Variants in TRPM7 observed in about 807,000 individuals in gnomAD.
TRPM7 encodes the protein transient receptor potential cation channel subfamily M member 7.
TRPM7 carries 134 observed loss-of-function variants against 229.7 expected under a neutral mutation model. That is an observed-to-expected ratio of 0.58 (90% CI 0.51 to 0.67). The LOEUF is 0.67. Ranked by LOEUF, TRPM7 falls within the 30% of genes least tolerant of loss-of-function variation. TRPM7 has a pLI of 0.00. For synonymous variants in TRPM7, 699 were observed against 715.2 expected (o/e 0.98, Z 0.36); for missense variants, 1,901 against 2,210.0 (o/e 0.86, Z 2.80).
intron 19 of TRPM7, among the ~76,000 whole-genome samples, chr15:50,608,271 A>G (rs909626753): frequency 1.3e-5 from 2 of 149,352 alleles, no homozygotes; most frequent in African/African-American, 4.9e-5. Flanking sequence ...TTATGTATAA[A>G]TACATGTGAG....
intron 36 of TRPM7, among the ~76,000 whole-genome samples, chr15:50,570,788 G>A (rs1054508548): frequency 6.6e-6 from 1 of 151,584 alleles, no homozygotes; most frequent in African/African-American, 2.4e-5. Flanking sequence ...CTGGGAGGCG[G>A]AGGTTGCAGT....
At chr15:50,625,210 G>A (rs888674038) in intron 11 of TRPM7, among the ~76,000 whole-genome samples, 3 of 151,938 alleles carry the variant, frequency 2.0e-5, no homozygotes, top group Admixed American at 6.6e-5. Flanking sequence ...AAGTATTTTA[G>A]TACCACATTA....
intron 38 of TRPM7, among the ~76,000 whole-genome samples, chr15:50,568,772 C>T (rs28478208): frequency 1.3e-5 from 2 of 152,002 alleles, no homozygotes; most frequent in Non-Finnish European, 2.9e-5. Context: ...CCCAGGAATT[C>T]GAGAGCAGCC....
intron 28 of TRPM7, among the ~76,000 whole-genome samples, chr15:50,583,627 A>G (rs181916499): frequency 6.8e-6 from 1 of 146,576 alleles, no homozygotes; most frequent in African/African-American, 2.6e-5. Context: ...CCCAGGCTGG[A>G]GAGCAGTGGC....
intron 38 of TRPM7, among the ~76,000 whole-genome samples, chr15:50,568,176 A>G (rs988074706): frequency 1.3e-5 from 2 of 151,656 alleles, no homozygotes; most frequent in African/African-American, 4.8e-5. Context: ...AAGTGCATCT[A>G]CAAAATCCTT....
Position 50,643,541 on chromosome 15 carries a change from A to C in TRPM7, c.334T>G (p.Ser112Ala), listed in dbSNP as rs370125011. 55 of 1,613,472 alleles carry C rather than the reference A, an allele frequency of 3.4e-5. No homozygotes were observed. In the Middle Eastern group the frequency reaches 6.6e-4, roughly 19 times the overall value. The change falls in exon 5 of 39, where the codon TCA (serine) becomes GCA (alanine). Residue 112 changes from serine to alanine, a missense_variant. Ser to Ala is a moderately conservative substitution (Grantham distance 99). This residue lies in a region of TRPM7 where 794 missense variants were observed against 881.9 expected (regional missense o/e 0.90). Transcript: ENST00000646667. ...ATGACTTCAGGTTTGGTGTCATATG[A>C]TAGCCTCACATACTAGAAAAAGATT... ...HSYRAKYVRLSYDTKPEVILQ... is the reference protein window; with the variant it reads ...HSYRAKYVRLAYDTKPEVILQ...
At chr15:50,571,491 C>T (rs571421736) in intron 36 of TRPM7, among the ~76,000 whole-genome samples, 1 of 151,922 alleles carries the variant, frequency 6.6e-6, no homozygotes, top group South Asian at 2.1e-4. Flanking sequence ...CATGCTATAG[C>T]TGCTACACTA....
intron 13 of TRPM7, among the ~76,000 whole-genome samples, chr15:50,618,638 ATATTTAGGGGG>A (rs1467468505): frequency 6.6e-6 from 1 of 152,120 alleles, no homozygotes; most frequent in Non-Finnish European, 1.5e-5. Context: ...TGATTTATAT[ATATTTAGGGGG>A]TACAAGTATA....
intron 20 of TRPM7, among the ~76,000 whole-genome samples, 167 bp from the exon 21 acceptor site, chr15:50,605,311 C>G (rs2059892497): frequency 6.6e-6 from 1 of 152,120 alleles, no homozygotes. Context: ...AGTGCAGTGG[C>G]TCAATCTCGG....
chr15:50,624,036 T>C (rs1204066846), intron 12 of TRPM7, 130 bp downstream of exon 12: 8 of 924,178 alleles, frequency 8.7e-6, no homozygotes, highest in Non-Finnish European at 1.3e-5. Flanking sequence ...ATACTAAGAC[T>C]GGCTATAATT....
intron 3 of TRPM7, among the ~76,000 whole-genome samples, chr15:50,654,701 G>A (rs2061509460): frequency 6.6e-6 from 1 of 150,980 alleles, no homozygotes; most frequent in African/African-American, 2.4e-5. Flanking sequence ...TGTATGAAAT[G>A]AAAATTCACT....
Position 50,594,456 on chromosome 15 carries a change from T to G in TRPM7, c.3448A>C (p.Lys1150Gln), listed in dbSNP as rs2059585789. The G allele has an allele frequency of 8.7e-6, 14 of 1,611,654 alleles. No homozygotes were observed. Among genetic ancestry groups the G allele is most frequent in the Non-Finnish European group, 1.2e-5 (14 of 1,179,314 alleles). ...SLFCCICKRR[K>Q]KDKTSDGPKL... is the part of the protein sequence containing the mutation. ...GGTCCATCGGAAGTCTTATCTTTCTTTCTTCTCTTACATATGCAGCAAAAC... is the reference window on the plus strand; with the variant it reads ...GGTCCATCGGAAGTCTTATCTTTCTGTCTTCTCTTACATATGCAGCAAAAC... The change falls in exon 24 of 39, where the codon AAG becomes CAG. Residue 1150 changes from lysine (K) to glutamine (Q), a missense_variant. By Grantham distance (53) the Lys-to-Gln change is moderately conservative. Coordinates refer to ENST00000646667, the MANE Select transcript of TRPM7 (RefSeq NM_017672.6).
intron 34 of TRPM7, 32 bp downstream of exon 34, chr15:50,574,820 T>C (rs376246857): frequency 3.8e-6 from 6 of 1,595,752 alleles, no homozygotes; most frequent in African/African-American, 2.7e-5. Flanking sequence ...GCTTAAATTA[T>C]GTTCCACTAT....
rs1381868030 is a variant in TRPM7 at position 50,558,512 on chromosome 15, G to A, written c.*3166C>T. On this transcript the variant is annotated 3_prime_UTR_variant, in exon 39 of 39. Coordinates refer to ENST00000646667, the MANE Select transcript of TRPM7 (RefSeq NM_017672.6). ...GTTTGAGATCAGCCTGGCCAACAAG[G>A]TGAAACCTTGTCTCTACGAAAAATA... The A allele has an allele frequency of 6.6e-6, 1 of 152,178 alleles. No homozygotes were observed. Among genetic ancestry groups the A allele is most frequent in the Non-Finnish European group, 1.5e-5 (1 of 68,108 alleles). 9.4% of individuals were successfully genotyped at this position (152,178 alleles called of 1,614,324 possible).
chr15:50,583,325 ATTTATT>A (rs2054517357), intron 28 of TRPM7, among the ~76,000 whole-genome samples, 166 bp from the exon 29 acceptor site: 1 of 152,164 alleles, frequency 6.6e-6, no homozygotes, highest in Non-Finnish European at 1.5e-5. Flanking sequence ...AAATTATTCA[ATTTATT>A]TTGAGTAAAC....
intron 1 of TRPM7, among the ~76,000 whole-genome samples, chr15:50,683,647 G>A (rs535927873): frequency 6.6e-5 from 10 of 152,150 alleles, no homozygotes; most frequent in African/African-American, 2.2e-4. Flanking sequence ...CAGCAGAATC[G>A]CTTGAACCAG....
Position 50,643,542 on chromosome 15 carries a change from T to C in TRPM7, c.333A>G (p.Leu111=), listed in dbSNP as rs1322603045. 1 of 1,613,538 alleles carries C rather than the reference T, an allele frequency of 6.2e-7. No individual in the cohort carries two copies. Among genetic ancestry groups the C allele is most frequent in the Admixed American group, 1.7e-5 (1 of 59,996 alleles). Reference sequence around the variant, plus strand: ...TGACTTCAGGTTTGGTGTCATATGATAGCCTCACATACTAGAAAAAGATTT... The same window carrying C: ...TGACTTCAGGTTTGGTGTCATATGACAGCCTCACATACTAGAAAAAGATTT... ...SHSYRAKYVR[L]SYDTKPEVIL... Residue 111 remains leucine, a synonymous_variant, in exon 5 of 39, where the codon CTA becomes CTG. Transcript: ENST00000646667.
intron 28 of TRPM7, among the ~76,000 whole-genome samples, chr15:50,584,619 T>G (rs970710544): frequency 2.0e-5 from 3 of 150,952 alleles, no homozygotes; most frequent in African/African-American, 2.4e-5. Flanking sequence ...GATTTCTGTT[T>G]TTTTTTTTTT....
chr15:50,631,258 G>A (rs1328359049), intron 10 of TRPM7, among the ~76,000 whole-genome samples, 159 bp downstream of exon 10: 1 of 152,144 alleles, frequency 6.6e-6, no homozygotes, highest in African/African-American at 2.4e-5. Flanking sequence ...CCAACATTGT[G>A]TCTTTCACAA....
Sources: gnomAD v4.1 joint callset for allele counts (sites outside exome capture counted in the v4.1 genomes callset) on GRCh38, gnomAD v4.1.1 for gene constraint, gnomAD v4.1.1 regional missense constraint, MANE v1.5 for transcripts, NCBI Gene and HGNC (gene_info 2026-07-23, HGNC 2026-07-21) for gene names.